The following ITGA2 variants were observed in gnomAD, a reference collection of about 807,000 sequenced individuals.
ITGA2 encodes the protein integrin alpha-2.
A neutral mutation model predicts 146.3 loss-of-function variants in ITGA2; 101 were observed. The ratio of observed to expected loss-of-function variants is 0.69; its 90% confidence interval spans 0.59 to 0.81. The LOEUF (loss-of-function observed/expected upper bound fraction) is 0.81. ITGA2 is among the 40% of genes least tolerant of loss of function. ITGA2 has a pLI of 0.00. For synonymous variants in ITGA2, 477 were observed against 487.1 expected (o/e 0.98, Z 0.27); for missense variants, 1,281 against 1,402.7 (o/e 0.91, Z 1.39).
At chr5:52,990,034 G>GC (rs757715948) in intron 1 of ITGA2, 1 of 175,272 alleles carries the variant, frequency 5.7e-6, no homozygotes, top group Non-Finnish European at 1.2e-5. Context: ...AAGCCTGCGA[G>GC]CCCCAAAATG....
At chr5:53,055,716 T>G in intron 8 of ITGA2, 28 bp downstream of exon 8, 3 of 1,611,352 alleles carry the variant, frequency 1.9e-6, no homozygotes, top group Non-Finnish European at 2.5e-6. Context: ...TCACTTGTCT[T>G]GCCGCTATTG....
chr5:53,073,486 G>A (rs1357874573), intron 20 of ITGA2, among the ~76,000 whole-genome samples: 1 of 151,812 alleles, frequency 6.6e-6, no homozygotes, highest in Non-Finnish European at 1.5e-5. Context: ...AGACTTGGCA[G>A]CAGTAGCCAG....
chr5:53,044,273 T>TTAAA (rs1743956930), intron 3 of ITGA2, among the ~76,000 whole-genome samples: 1 of 19,668 alleles, frequency 5.1e-5, no homozygotes, highest in Non-Finnish European at 7.5e-5. Flanking sequence ...AGACTCTGTC[T>TTAAA]CAAAAAAAAA....
chr5:53,045,800 C>T (rs1744053282), intron 4 of ITGA2, among the ~76,000 whole-genome samples: 1 of 151,892 alleles, frequency 6.6e-6, no homozygotes, highest in Non-Finnish European at 1.5e-5. Flanking sequence ...AAAAACATCA[C>T]ACACCAAAAA....
intron 1 of ITGA2, among the ~76,000 whole-genome samples, chr5:53,010,805 T>C (rs1742086215): frequency 6.6e-6 from 1 of 152,080 alleles, no homozygotes; most frequent in Admixed American, 6.6e-5. Flanking sequence ...GAACCAGTAA[T>C]TGGAAAAGGG....
At chr5:53,045,331 A>G (rs986569295) in intron 4 of ITGA2, among the ~76,000 whole-genome samples, 4 of 152,228 alleles carry the variant, frequency 2.6e-5, no homozygotes, top group Non-Finnish European at 5.9e-5. Flanking sequence ...AACAAAAAGA[A>G]CCCTGATTCT....
Position 53,072,641 on chromosome 5 carries a change from A to G in ITGA2, c.2375A>G (p.Asp792Gly), listed in dbSNP as rs755154424. Residue 792 changes from aspartate to glycine, a missense_variant, in exon 19 of 30, where the codon GAC (aspartate) becomes GGC (glycine). Physicochemically the swap from Asp to Gly is moderately conservative, Grantham distance 94. Transcript: ENST00000296585. ...CCTTTCCACAAAGACTGTGGTGAGG[A>G]CGGACTTTGCATTTCTGATCTAGTC... is the stretch of plus-strand genomic sequence containing the variant. ...SIPFHKDCGE[D>G]GLCISDLVLD... 6.2e-7 allele frequency: 1 copy of G among 1,610,816 alleles called. No homozygotes were observed. The highest frequency in any genetic ancestry group is 1.7e-5 in the Admixed American group (1 of 59,634).
chr5:53,041,185 A>G (rs555430389), intron 2 of ITGA2, among the ~76,000 whole-genome samples: 47 of 152,264 alleles, frequency 3.1e-4, no homozygotes, highest in African/African-American at 8.9e-4. Context: ...AACCTGCTGC[A>G]GTTTCTAAAG....
At chr5:53,090,464 G>C (rs999185696) in intron 29 of ITGA2, 55 bp from the exon 30 acceptor site, 5 of 1,494,520 alleles carry the variant, frequency 3.3e-6, no homozygotes, top group African/African-American at 2.8e-5. Context: ...GGGGTCAGAG[G>C]CACCTTACAA....
chr5:53,089,893 T>C, intron 28 of ITGA2, 53 bp from the exon 29 acceptor site: 1 of 1,034,482 alleles, frequency 9.7e-7, no homozygotes, highest in Non-Finnish European at 1.5e-6. Context: ...CTAGACCATC[T>C]CCCCCCTTTT....
At chr5:53,018,937 G>A (rs957332275) in intron 1 of ITGA2, among the ~76,000 whole-genome samples, 2 of 151,944 alleles carry the variant, frequency 1.3e-5, no homozygotes, top group Non-Finnish European at 2.9e-5. Flanking sequence ...GGTGGTACAC[G>A]CCTGTAATCC....
chr5:53,066,098 T>G, intron 15 of ITGA2, 121 bp downstream of exon 15: 2 of 947,462 alleles, frequency 2.1e-6, no homozygotes, highest in South Asian at 2.6e-5. Context: ...AGGGAATCGA[T>G]GTATCATAGT....
chr5:53,074,945 T>C, intron 21 of ITGA2, 116 bp from the exon 22 acceptor site: 1 of 727,782 alleles, frequency 1.4e-6, no homozygotes, highest in African/African-American at 1.7e-5. Flanking sequence ...GCTTAAGGTA[T>C]ATAAAATTCA....
intron 1 of ITGA2, 32 bp downstream of exon 1, chr5:52,989,564 A>G (rs1561271242): frequency 1.9e-6 from 3 of 1,612,730 alleles, no homozygotes; most frequent in Non-Finnish European, 2.5e-6. Flanking sequence ...CATCGGCTGC[A>G]GGAGGGACCC....
intron 11 of ITGA2, among the ~76,000 whole-genome samples, 200 bp downstream of exon 11, chr5:53,060,212 A>T (rs373555594): frequency 2.0e-5 from 3 of 151,884 alleles, no homozygotes; most frequent in Non-Finnish European, 2.9e-5. Context: ...TATACTCACT[A>T]GTTTCTTCTG....
At chr5:53,066,451 A>G (rs1263966777) in intron 15 of ITGA2, among the ~76,000 whole-genome samples, 1 of 151,884 alleles carries the variant, frequency 6.6e-6, no homozygotes, top group Non-Finnish European at 1.5e-5. Flanking sequence ...TGACCTCCAC[A>G]GGAGTTGAAG....
chr5:52,999,103 A>AT (rs776068468), intron 1 of ITGA2, among the ~76,000 whole-genome samples: 4 of 152,120 alleles, frequency 2.6e-5, no homozygotes, highest in African/African-American at 7.2e-5. Flanking sequence ...TACAGATATC[A>AT]TTTTTTCCCC....
intron 1 of ITGA2, among the ~76,000 whole-genome samples, chr5:52,993,642 T>C (rs1431629996): frequency 6.6e-6 from 1 of 152,164 alleles, no homozygotes; most frequent in Non-Finnish European, 1.5e-5. Context: ...TATTAAAAGG[T>C]AGAAGCTTGT....
chr5:53,049,013 T>A (rs933506097), intron 6 of ITGA2, among the ~76,000 whole-genome samples: 2 of 101,210 alleles, frequency 2.0e-5, no homozygotes, highest in Admixed American at 1.8e-4. Flanking sequence ...GGGACATAAC[T>A]TTTTTTTTTT....
Sources: allele counts gnomAD v4.1 joint callset (sites outside exome capture counted in the v4.1 genomes callset), GRCh38; gene constraint gnomAD v4.1.1; transcripts MANE v1.5; gene names NCBI Gene and HGNC (gene_info 2026-07-23, HGNC 2026-07-21).